The following CCDC7 variants were observed in gnomAD, a reference collection of about 807,000 sequenced individuals.
CCDC7 encodes coiled-coil domain-containing protein 7.
A neutral mutation model predicts 196.9 loss-of-function variants in CCDC7; 183 were observed. The observed-to-expected ratio is 0.93, with a 90% CI of 0.82 to 1.05. The LOEUF (loss-of-function observed/expected upper bound fraction) is 1.05, where lower values mean the gene tolerates loss of function less well. Among genes scored for constraint, CCDC7 ranks in the 50% least tolerant of loss-of-function variants. The pLI, the probability that CCDC7 is intolerant of heterozygous loss-of-function variation, is 0.00. For missense variants in CCDC7, 1,540 were observed against 1,482.2 expected (o/e 1.04, Z -0.64); for synonymous variants, 525 against 484.6 (o/e 1.08, Z -1.10).
rs537264375 is a variant in CCDC7 at position 32,708,810 on chromosome 10, G to A, written c.2459-2810G>A. 3.3e-5 allele frequency among the ~76,000 whole-genome samples: 5 copies of A among 152,288 alleles called. No individual in the cohort carries two copies. The South Asian group carries it at 1.0e-3, about 32-fold the overall frequency. ...CACTTAGCATGTTGATCATTAAAAA[G>A]TCAGAAAACAACAGGTGCTGGAGAG... On this transcript the variant is annotated intron_variant, in intron 24 of 41. Transcript: ENST00000639629.
At chr10:32,450,494 A>G (rs1164895816), upstream of CCDC7, among the ~76,000 whole-genome samples, 1 of 152,200 alleles carries the variant, frequency 6.6e-6, no homozygotes, top group Non-Finnish European at 1.5e-5. Context: ...AGAGAGCTTC[A>G]GATAACAGAG....
At chr10:32,445,623 T>G (rs1043701733), upstream of CCDC7, among the ~76,000 whole-genome samples, 1 of 152,242 alleles carries the variant, frequency 6.6e-6, no homozygotes, top group African/African-American at 2.4e-5. Flanking sequence ...CTTGTAAAAT[T>G]GCATCTTAAA....
intron 18 of CCDC7, among the ~76,000 whole-genome samples, chr10:32,621,845 G>T (rs747376277): frequency 2.0e-5 from 3 of 152,174 alleles, no homozygotes; most frequent in Non-Finnish European, 4.4e-5. Flanking sequence ...ACATTGGTAA[G>T]GGTGGATCTT....
At chr10:32,467,344 T>A (rs2037038992) in intron 5 of CCDC7, among the ~76,000 whole-genome samples, 1 of 151,942 alleles carries the variant, frequency 6.6e-6, no homozygotes, top group African/African-American at 2.4e-5. Flanking sequence ...ACTCCTGATC[T>A]CAGGCAATCT....
At chr10:32,476,051 T>C (rs1294981047) in intron 8 of CCDC7, among the ~76,000 whole-genome samples, 2 of 152,226 alleles carry the variant, frequency 1.3e-5, no homozygotes, top group African/African-American at 2.4e-5. Flanking sequence ...GAACCAATTT[T>C]GATACATTAT....
At chr10:32,554,916 G>A (rs1466794179) in intron 13 of CCDC7, among the ~76,000 whole-genome samples, 1 of 152,088 alleles carries the variant, frequency 6.6e-6, no homozygotes, top group African/African-American at 2.4e-5. Context: ...CCATGAGTTT[G>A]TTTTGATTTT....
intron 32 of CCDC7, among the ~76,000 whole-genome samples, chr10:32,828,561 A>AAGAAGAAT (rs1565636149): frequency 9.1e-5 from 13 of 142,654 alleles, no homozygotes; most frequent in African/African-American, 2.6e-4. Flanking sequence ...AGAAGAAGAA[A>AAGAAGAAT]GAAGAAGAAG....
At chr10:32,565,169 AT>A (rs1392224535) in intron 13 of CCDC7, among the ~76,000 whole-genome samples, 1 of 152,216 alleles carries the variant, frequency 6.6e-6, no homozygotes, top group African/African-American at 2.4e-5. Flanking sequence ...TTGATGGAGA[AT>A]TCCTGGAACA....
chr10:32,446,106 G>A (rs1323510649), upstream of CCDC7: 1 of 152,166 alleles, frequency 6.6e-6, no homozygotes, highest in East Asian at 1.9e-4. Context: ...CGGCGCCAAG[G>A]CGTCGTGGCG....
intron 11 of CCDC7, among the ~76,000 whole-genome samples, chr10:32,540,780 A>G (rs980519191): frequency 6.6e-6 from 1 of 152,028 alleles, no homozygotes; most frequent in Non-Finnish European, 1.5e-5. Context: ...TGACCTGCAC[A>G]TTCTCTCTAG....
intron 28 of CCDC7, among the ~76,000 whole-genome samples, chr10:32,762,875 A>C (rs2077673191): frequency 6.6e-6 from 1 of 151,904 alleles, no homozygotes; most frequent in Non-Finnish European, 1.5e-5. Flanking sequence ...AATGGATTGA[A>C]GACCTAAACA....
chr10:32,622,924 C>T (rs1293234933), intron 18 of CCDC7, among the ~76,000 whole-genome samples: 1 of 152,114 alleles, frequency 6.6e-6, no homozygotes. Flanking sequence ...GCAAGGTTGG[C>T]TTAACACTTG....
At chr10:32,499,435 A>C (rs980061831) in intron 9 of CCDC7, 10 of 152,160 alleles carry the variant, frequency 6.6e-5, no homozygotes, top group African/African-American at 1.4e-4. Context: ...CTCTTCTGCT[A>C]ATAAATCTCC....
At chr10:32,568,236 AC>A (rs912682899) in intron 15 of CCDC7, among the ~76,000 whole-genome samples, 3 of 151,532 alleles carry the variant, frequency 2.0e-5, no homozygotes, top group Non-Finnish European at 4.4e-5. Flanking sequence ...TGATCTCCTG[AC>A]CTCGTGATCT....
chr10:32,757,748 A>C (rs1156643593), intron 28 of CCDC7, among the ~76,000 whole-genome samples: 1 of 152,214 alleles, frequency 6.6e-6, no homozygotes, highest in African/African-American at 2.4e-5. Context: ...AAAATAACTA[A>C]GATCAGAGCA....
At chr10:32,672,804 G>A (rs993029420) in intron 21 of CCDC7, among the ~76,000 whole-genome samples, 2 of 152,104 alleles carry the variant, frequency 1.3e-5, no homozygotes, top group African/African-American at 4.8e-5. Flanking sequence ...GCTCCACTGT[G>A]TTGCTACAGT....
At chr10:32,684,348 C>T (rs1368610362) in intron 21 of CCDC7, among the ~76,000 whole-genome samples, 1 of 152,170 alleles carries the variant, frequency 6.6e-6, no homozygotes, top group Non-Finnish European at 1.5e-5. Context: ...CTCCATGCAG[C>T]TTTCTGTGTC....
intron 18 of CCDC7, among the ~76,000 whole-genome samples, chr10:32,597,596 G>T (rs1377694425): frequency 6.6e-6 from 1 of 152,214 alleles, no homozygotes; most frequent in Non-Finnish European, 1.5e-5. Context: ...AGGAGAAGAG[G>T]TGTCTGATTT....
At chr10:32,738,246 A>C (rs986444503) in intron 28 of CCDC7, among the ~76,000 whole-genome samples, 3 of 152,118 alleles carry the variant, frequency 2.0e-5, no homozygotes, top group Non-Finnish European at 4.4e-5. Flanking sequence ...CATTTATAGA[A>C]TATCCAAGTC....
Sources: gnomAD v4.1 joint callset for allele counts (sites outside exome capture counted in the v4.1 genomes callset) on GRCh38, gnomAD v4.1.1 for gene constraint, MANE v1.5 for transcripts, NCBI Gene and HGNC (gene_info 2026-07-23, HGNC 2026-07-21) for gene names.